The following USP40 variants were observed in gnomAD, a reference collection of about 807,000 sequenced individuals.
The protein encoded by USP40 is ubiquitin specific peptidase 40.
USP40 carries 143 observed loss-of-function variants against 166.2 expected under a neutral mutation model. That is an observed-to-expected ratio of 0.86 (90% CI 0.75 to 0.99). The LOEUF is 0.99. Ranked by LOEUF, USP40 falls within the 50% of genes least tolerant of loss-of-function variation. The probability of loss-of-function intolerance (pLI) is 0.00; values close to 1 mark genes in which losing one functional copy is unlikely to be tolerated. For synonymous variants in USP40, 498 were observed against 524.0 expected (o/e 0.95, Z 0.68); for missense variants, 1,444 against 1,479.7 (o/e 0.98, Z 0.40).
At chr2:233,560,967 C>T (rs551333915) in intron 3 of USP40, 421 of 732,770 alleles carry the variant, frequency 5.7e-4, no homozygotes, top group Non-Finnish European at 8.5e-4. Context: ...CAGTATTGTA[C>T]TTGGAAAACT....
Position 233,539,353 on chromosome 2 carries a change from A to C in USP40, c.1170+1309T>G, listed in dbSNP as rs144188914. ...CAGAACATTGAGCAGGATAGACAAC[A>C]CTCTGAACCGTAAAACAAGTCCTAA... On this transcript the variant is annotated intron_variant, in intron 10 of 31. Transcript: ENST00000678225. Among the ~76,000 whole-genome samples, 962 of 152,274 alleles carry C rather than the reference A, an allele frequency of 6.3e-3. 21 individuals carry two copies. In the East Asian group the frequency reaches 0.083, roughly 13 times the overall value.
At chr2:233,538,366 G>A (rs2069093812) in intron 10 of USP40, among the ~76,000 whole-genome samples, 1 of 152,022 alleles carries the variant, frequency 6.6e-6, no homozygotes, top group Admixed American at 6.6e-5. Flanking sequence ...ACAGAAAACA[G>A]AAGAGCAGAG....
chr2:233,511,687 G>C (rs2066849245), intron 20 of USP40, 22 bp downstream of exon 20: 4 of 1,593,772 alleles, frequency 2.5e-6, no homozygotes, highest in Non-Finnish European at 2.6e-6. Context: ...ATTTTGTTTT[G>C]AAACAGGTGA....
intron 10 of USP40, among the ~76,000 whole-genome samples, chr2:233,534,720 T>C (rs777773110): frequency 4.6e-5 from 7 of 152,208 alleles, no homozygotes; most frequent in Non-Finnish European, 8.8e-5. Flanking sequence ...TACAAAAAAG[T>C]ATCAACAACT....
chr2:233,551,322 A>G, intron 7 of USP40, 54 bp downstream of exon 7: 1 of 1,535,170 alleles, frequency 6.5e-7, no homozygotes, highest in Middle Eastern at 1.9e-4. Context: ...GGTCAATAAT[A>G]GATTCAATCT....
In USP40 at chr2:233,488,239, C is replaced by A. The variant is rs1326553847; in HGVS notation, c.3197G>T (p.Gly1066Val). Residue 1066 changes from glycine (G) to valine (V), a missense_variant and splice_region_variant, in exon 28 of 32, where the codon GGC (glycine) becomes GTC (valine). Coordinates refer to ENST00000678225, the MANE Select transcript of USP40 (RefSeq NM_001365479.2). ...LEPLQKGENL[G>V]PQDVLLRTQV... ...TCAGATGCACAGGAGAATTTCTTAC[C>A]CCAAGTTTTCGCCTTTCTGAAGGGG... 1 of 1,601,844 alleles carries A rather than the reference C, an allele frequency of 6.2e-7. No individual in the cohort carries two copies. The highest frequency in any genetic ancestry group is 8.5e-7 in the Non-Finnish European group (1 of 1,173,602).
At chr2:233,479,129 C>T (rs2064370495) in intron 31 of USP40, among the ~76,000 whole-genome samples, 1 of 152,170 alleles carries the variant, frequency 6.6e-6, no homozygotes, top group Non-Finnish European at 1.5e-5. Flanking sequence ...AATGTGCTAT[C>T]TCAAACAGCA....
intron 11 of USP40, among the ~76,000 whole-genome samples, chr2:233,532,662 T>C (rs1254736637): frequency 6.6e-6 from 1 of 152,154 alleles, no homozygotes; most frequent in Admixed American, 6.6e-5. Flanking sequence ...CCTGGACAAC[T>C]TGCACTCATG....
At position 233,480,867 on chromosome 2, in the gene USP40, G is replaced by A. The variant is rs1575207645; in HGVS notation, c.3599+336C>T. Among the ~76,000 whole-genome samples, 2 of 152,148 alleles carry A rather than the reference G, an allele frequency of 1.3e-5. No homozygotes were observed. The highest frequency in any genetic ancestry group is 1.9e-4 in the East Asian group (1 of 5,186). On this transcript the variant is annotated intron_variant, in intron 31 of 31. Coordinates refer to ENST00000678225, the MANE Select transcript of USP40 (RefSeq NM_001365479.2). This position sits in a 1 kb window ranked among gnomAD's most constrained non-coding sequence, Gnocchi z 4.5. ...AGACGGGGTGGTTCTGGAGACCTGA[G>A]GGTGTGGGAACCTGAAGGGAAAGCC...
intron 31 of USP40, among the ~76,000 whole-genome samples, chr2:233,479,150 T>C (rs2064371920): frequency 1.3e-5 from 2 of 152,176 alleles, no homozygotes; most frequent in South Asian, 4.1e-4. Context: ...CAGATGACAA[T>C]GGAGCTCCCA....
intron 10 of USP40, among the ~76,000 whole-genome samples, chr2:233,539,028 C>CA (rs981802611): frequency 1.3e-5 from 2 of 150,084 alleles, no homozygotes; most frequent in African/African-American, 4.9e-5. Flanking sequence ...AACTCTGTCT[C>CA]AAAAAAAAGG....
At chr2:233,509,863 A>G (rs1052157900) in intron 21 of USP40, among the ~76,000 whole-genome samples, 186 bp downstream of exon 21, 4 of 144,904 alleles carry the variant, frequency 2.8e-5, no homozygotes, top group Non-Finnish European at 6.1e-5. Context: ...AAAAAAAAAA[A>G]TCCAGTTGGT....
chr2:233,499,185 A>G (rs553111286), intron 22 of USP40, among the ~76,000 whole-genome samples: 7 of 125,278 alleles, frequency 5.6e-5, no homozygotes, highest in East Asian at 2.6e-4. Context: ...ACAGGCCCCA[A>G]TGTGTGTTAT....
chr2:233,496,716 A>T, intron 24 of USP40, 42 bp downstream of exon 24: 1 of 1,520,018 alleles, frequency 6.6e-7, no homozygotes, highest in Admixed American at 1.7e-5. Context: ...ATCAGATAAC[A>T]ATTATTACTT....
At chr2:233,542,163 T>C (rs1575321436) in intron 9 of USP40, 105 bp downstream of exon 9, 3 of 487,144 alleles carry the variant, frequency 6.2e-6, no homozygotes, top group South Asian at 9.6e-5. Flanking sequence ...GGTAATAATA[T>C]CACACCTAGC....
At chr2:233,494,959 TATATATATATATATATATATACAC>T (rs2065634846) in intron 24 of USP40, among the ~76,000 whole-genome samples, 6 of 49,688 alleles carry the variant, frequency 1.2e-4, no homozygotes, top group African/African-American at 8.0e-4. Context: ...TATATATTTA[TATATATATATATATATATATACAC>T]ACACATAAAA....
chr2:233,536,699 A>G (rs1435987528), intron 10 of USP40, among the ~76,000 whole-genome samples: 1 of 152,192 alleles, frequency 6.6e-6, no homozygotes, highest in African/African-American at 2.4e-5. Context: ...CTGAGAGGAC[A>G]TATCAAATGG....
At position 233,537,799 on chromosome 2, in the gene USP40, A is replaced by G. The variant is rs184739623; in HGVS notation, c.1170+2863T>C. Among the ~76,000 whole-genome samples the G allele has an allele frequency of 1.5e-3, 228 of 152,342 alleles. 1 individual carries two copies. In the East Asian group the frequency reaches 0.024, roughly 16 times the overall value. ...TTTTCACCTGCAATTCTGAACTTCA[A>G]GAAATGCTAAAGGAAACTCTCTAGG... is the stretch of plus-strand genomic sequence containing the variant. On this transcript the variant is annotated intron_variant, in intron 10 of 31. Transcript: ENST00000678225.
Position 233,524,555 on chromosome 2 carries a change from T to C in USP40, c.1818A>G (p.Glu606=), listed in dbSNP as rs754787699. 8.1e-6 allele frequency: 13 copies of C among 1,601,364 alleles called. No individual in the cohort carries two copies. The South Asian group carries it at 1.4e-4, about 17-fold the overall frequency. The change falls in exon 15 of 32, where the codon GAA becomes GAG. Residue 606 remains glutamate, a synonymous_variant. Transcript: ENST00000678225. ...CAATTTCAGTTTCACACAGTGTCAGTTCATCCCCTAGAAAGAGATCACCAG... is the reference window on the plus strand; with the variant it reads ...CAATTTCAGTTTCACACAGTGTCAGCTCATCCCCTAGAAAGAGATCACCAG... ...LHIYQSLGGD[E]LTLCETEIAD...
Sources: gnomAD v4.1 joint callset for allele counts (sites outside exome capture counted in the v4.1 genomes callset) on GRCh38, gnomAD v4.1.1 for gene constraint, Gnocchi (gnomAD v3.1) non-coding constraint, MANE v1.5 for transcripts, NCBI Gene and HGNC (gene_info 2026-07-23, HGNC 2026-07-21) for gene names.